The following PPP1R14C variants were observed in gnomAD, a reference collection of about 807,000 sequenced individuals.
The protein encoded by PPP1R14C is protein phosphatase 1 regulatory subunit 14C.
In PPP1R14C, 16 loss-of-function variants were observed where a neutral mutation model predicts 20.4. That is an observed-to-expected ratio of 0.78 (90% CI 0.53 to 1.19). The LOEUF (loss-of-function observed/expected upper bound fraction) is 1.19, where lower values mean the gene tolerates loss of function less well. Ranked by LOEUF, PPP1R14C falls within the 50% of genes most tolerant of loss-of-function variation. The pLI, the probability that PPP1R14C is intolerant of heterozygous loss-of-function variation, is 0.00. For synonymous variants in PPP1R14C, 91 were observed against 91.0 expected, an observed-to-expected ratio of 1.00 and a Z score of 0.00; for missense variants, 211 against 220.1, an observed-to-expected ratio of 0.96 and a Z score of 0.26.
chr6:150,182,894 C>A (rs1424996754), intron 1 of PPP1R14C, among the ~76,000 whole-genome samples: 1 of 152,170 alleles, frequency 6.6e-6, no homozygotes, highest in African/African-American at 2.4e-5. Flanking sequence ...CCTATTACTC[C>A]TAGGCTACAA....
At chr6:150,214,078 C>G (rs1213227345) in intron 1 of PPP1R14C, among the ~76,000 whole-genome samples, 1 of 152,200 alleles carries the variant, frequency 6.6e-6, no homozygotes. Context: ...GTGAAGGGGA[C>G]GTTCTTGTAA....
chr6:150,161,186 A>G (rs941632842), intron 1 of PPP1R14C, among the ~76,000 whole-genome samples: 1 of 152,080 alleles, frequency 6.6e-6, no homozygotes, highest in African/African-American at 2.4e-5. Context: ...AGGCTGAGAC[A>G]GGAGAATCGC....
At chr6:150,216,566 A>AT (rs386408918) in intron 2 of PPP1R14C, among the ~76,000 whole-genome samples, 2 of 152,130 alleles carry the variant, frequency 1.3e-5, no homozygotes, top group Admixed American at 6.6e-5. Context: ...TAGCAAAAAA[A>AT]AAAAATAAAT....
intron 1 of PPP1R14C, among the ~76,000 whole-genome samples, chr6:150,184,583 T>TA (rs1365263624): frequency 1.3e-5 from 2 of 152,260 alleles, no homozygotes; most frequent in Non-Finnish European, 2.9e-5. Flanking sequence ...GTTTTGTCGT[T>TA]ACTATACCTA....
intron 1 of PPP1R14C, among the ~76,000 whole-genome samples, chr6:150,186,932 G>C (rs1257956264): frequency 1.3e-5 from 2 of 152,082 alleles, no homozygotes; most frequent in East Asian, 3.9e-4. Flanking sequence ...AAGCAGTGGT[G>C]TGGGGTGGTC....
At chr6:150,225,050 C>A (rs1459528248) in intron 3 of PPP1R14C, among the ~76,000 whole-genome samples, 1 of 151,778 alleles carries the variant, frequency 6.6e-6, no homozygotes, top group Admixed American at 6.6e-5. Context: ...TTTGGTATTT[C>A]CCTTCCCCCA....
chr6:150,199,763 G>C (rs1472220828), intron 1 of PPP1R14C, among the ~76,000 whole-genome samples: 2 of 152,092 alleles, frequency 1.3e-5, no homozygotes, highest in African/African-American at 4.8e-5. Flanking sequence ...TAGCTCCTCA[G>C]TAGGTTGAGG....
At chr6:150,148,423 C>A (rs1171485905) in intron 1 of PPP1R14C, among the ~76,000 whole-genome samples, 2 of 152,198 alleles carry the variant, frequency 1.3e-5, no homozygotes, top group African/African-American at 4.8e-5. Context: ...CCTATGTGAA[C>A]CCCATGGTTT....
intron 1 of PPP1R14C, among the ~76,000 whole-genome samples, chr6:150,211,207 A>C (rs74694069): frequency 0.011 from 1,732 of 152,310 alleles, 31 homozygotes; most frequent in African/African-American, 0.039. Context: ...AGCTGTGTTT[A>C]GACAGCCCGT....
At chr6:150,245,550 C>T (rs1023745517) in intron 3 of PPP1R14C, among the ~76,000 whole-genome samples, 4 of 152,190 alleles carry the variant, frequency 2.6e-5, no homozygotes, top group Admixed American at 6.5e-5. Flanking sequence ...GACCTAGGCC[C>T]GCCAGATCTT....
chr6:150,221,367 A>G (rs1778165341), intron 3 of PPP1R14C, among the ~76,000 whole-genome samples: 1 of 152,222 alleles, frequency 6.6e-6, no homozygotes, highest in South Asian at 2.1e-4. Context: ...CCAATCTGCC[A>G]GTCTTCCTAA....
At chr6:150,197,679 C>T (rs1391858940) in intron 1 of PPP1R14C, among the ~76,000 whole-genome samples, 4 of 152,096 alleles carry the variant, frequency 2.6e-5, no homozygotes, top group Admixed American at 2.6e-4. Context: ...CTGCCCGCCA[C>T]GGTGGAGGAG....
intron 1 of PPP1R14C, among the ~76,000 whole-genome samples, chr6:150,144,648 T>C (rs1401465283): frequency 6.6e-6 from 1 of 152,224 alleles, no homozygotes; most frequent in Non-Finnish European, 1.5e-5. Context: ...ATTTGACACA[T>C]TTCATGGCCT....
In PPP1R14C at chr6:150,167,808, C is replaced by T. The variant is rs62440052; in HGVS notation, c.306+24310C>T. 1.1e-4 allele frequency among the ~76,000 whole-genome samples: 16 copies of T among 152,122 alleles called. No homozygotes were observed. The East Asian group carries it at 2.5e-3, about 24-fold the overall frequency. ...CATTCAGACCCCAAAGGCAGGCACACGAGGAATCCCTTAGAGAGATTTGAA... is the reference window on the plus strand; with the variant it reads ...CATTCAGACCCCAAAGGCAGGCACATGAGGAATCCCTTAGAGAGATTTGAA... On this transcript the variant is annotated intron_variant, in intron 1 of 3. Transcript: ENST00000361131.
At chr6:150,190,637 C>T (rs12200795) in intron 1 of PPP1R14C, among the ~76,000 whole-genome samples, 62,436 of 151,842 alleles carry the variant, frequency 0.41, 13,140 homozygotes, top group South Asian at 0.51. Context: ...ATGTTGGCCA[C>T]GACGGTCTTG....
intron 1 of PPP1R14C, among the ~76,000 whole-genome samples, chr6:150,200,171 GAT>G (rs145406314): frequency 4.7e-5 from 7 of 147,998 alleles, no homozygotes; most frequent in Non-Finnish European, 7.5e-5. Flanking sequence ...GCTTTTATAG[GAT>G]ATATATATAT....
At chr6:150,225,357 A>C (rs1778219162) in intron 3 of PPP1R14C, among the ~76,000 whole-genome samples, 1 of 152,098 alleles carries the variant, frequency 6.6e-6, no homozygotes, top group African/African-American at 2.4e-5. Flanking sequence ...TGGAATTTTT[A>C]TCTCTAAAAC....
intron 3 of PPP1R14C, among the ~76,000 whole-genome samples, chr6:150,230,122 A>G (rs1163954321): frequency 6.6e-6 from 1 of 152,148 alleles, no homozygotes; most frequent in Non-Finnish European, 1.5e-5. Context: ...ACATTTTGCC[A>G]TTTGGAACAA....
intron 3 of PPP1R14C, among the ~76,000 whole-genome samples, chr6:150,232,631 T>C (rs1432721059): frequency 6.6e-6 from 1 of 152,226 alleles, no homozygotes; most frequent in Non-Finnish European, 1.5e-5. Flanking sequence ...AATTATGTTT[T>C]GGCCTATTGT....
Sources: allele counts gnomAD v4.1 joint callset (sites outside exome capture counted in the v4.1 genomes callset), GRCh38; gene constraint gnomAD v4.1.1; transcripts MANE v1.5; gene names NCBI Gene and HGNC (gene_info 2026-07-23, HGNC 2026-07-21).